PATL1: variants seen among roughly 807,000 people sequenced by gnomAD.
PATL1 encodes PAT1 homolog 1, processing body mRNA decay factor, also known as protein PAT1 homolog 1.
In PATL1, 32 loss-of-function variants were observed where a neutral mutation model predicts 100.6. The ratio of observed to expected loss-of-function variants is 0.32; its 90% CI spans 0.24 to 0.43. PATL1 has a LOEUF of 0.43. PATL1 is among the 20% of genes least tolerant of loss of function. The pLI, the probability that PATL1 is intolerant of heterozygous loss-of-function variation, is 1.00. For synonymous variants in PATL1, 332 were observed against 330.0 expected (o/e 1.01, Z -0.07); for missense variants, 747 against 949.9 (o/e 0.79, Z 2.81).
At chr11:59,659,068 G>T in intron 3 of PATL1, 122 bp from the exon 4 acceptor site, 1 of 1,032,248 alleles carries the variant, frequency 9.7e-7, no homozygotes, top group Non-Finnish European at 1.4e-6. Flanking sequence ...AAATTATAGG[G>T]CTCCAGAATA....
At chr11:59,639,266 T>A in intron 17 of PATL1, 26 bp downstream of exon 17, 1 of 1,566,164 alleles carries the variant, frequency 6.4e-7, no homozygotes, top group South Asian at 1.2e-5. Flanking sequence ...GAACTTAAAA[T>A]AAGAGAAGAA....
intron 14 of PATL1, 145 bp downstream of exon 14, chr11:59,649,317 T>G: frequency 1.3e-6 from 1 of 759,532 alleles, no homozygotes; most frequent in Non-Finnish European, 2.0e-6. Flanking sequence ...TTAAATGAAG[T>G]GGCATTTGAG....
chr11:59,664,550 C>T (rs1861662864), intron 2 of PATL1, among the ~76,000 whole-genome samples: 1 of 152,096 alleles, frequency 6.6e-6, no homozygotes, highest in South Asian at 2.1e-4. Context: ...ATGTTGGTAG[C>T]TTCTATGGTA....
intron 5 of PATL1, among the ~76,000 whole-genome samples, chr11:59,656,841 A>G (rs1861542570): frequency 6.6e-6 from 1 of 152,194 alleles, no homozygotes; most frequent in Non-Finnish European, 1.5e-5. Flanking sequence ...CCACCCTTCC[A>G]TGCTGTCTGA....
intron 15 of PATL1, among the ~76,000 whole-genome samples, chr11:59,644,890 C>CTTTTTT (rs71036539): frequency 7.9e-4 from 66 of 83,802 alleles, no homozygotes; most frequent in South Asian, 1.7e-3. Context: ...ACTTCGTTTC[C>CTTTTTT]TTTTTTTTTT....
chr11:59,648,037 A>G, intron 14 of PATL1, 124 bp from the exon 15 acceptor site: 1 of 695,114 alleles, frequency 1.4e-6, no homozygotes, highest in Non-Finnish European at 2.1e-6. Flanking sequence ...AACCTGTACT[A>G]TAAAACAGTA....
chr11:59,644,890 CTTTTTTTTT>C (rs71036539), intron 15 of PATL1, among the ~76,000 whole-genome samples: 161 of 83,808 alleles, frequency 1.9e-3, no homozygotes, highest in South Asian at 2.5e-3. Flanking sequence ...ACTTCGTTTC[CTTTTTTTTT>C]TTTTTTTTTT....
chr11:59,642,708 C>T (rs2134737791), intron 16 of PATL1, 172 bp downstream of exon 16: 2 of 656,010 alleles, frequency 3.0e-6, no homozygotes, highest in Non-Finnish European at 4.9e-6. Flanking sequence ...ACATAAAATC[C>T]CATTTTGTTG....
Position 59,659,438 on chromosome 11 carries a change from C to A in PATL1, c.159G>T (p.Leu53=). 6.4e-7 allele frequency: 1 copy of A among 1,551,028 alleles called. No homozygotes were observed. Among genetic ancestry groups the A allele is most frequent in the South Asian group, 1.2e-5 (1 of 84,052 alleles). ...CTGGTAGCTTTTCTTCCAATTCAGC[C>A]AGGCGCTCATGTGCTTCCTGCCAAT... The part of the protein sequence containing the change: ...DDDWQEAHER[L]AELEEKLPVA... The change falls in exon 3 of 19, where the codon CTG becomes CTT. Residue 53 remains leucine, a synonymous_variant. Coordinates refer to ENST00000300146, the MANE Select transcript of PATL1 (RefSeq NM_152716.3).
intron 2 of PATL1, among the ~76,000 whole-genome samples, chr11:59,659,885 T>C (rs757717820): frequency 2.6e-5 from 4 of 152,012 alleles, no homozygotes; most frequent in African/African-American, 9.7e-5. Context: ...AGAAGATAGG[T>C]AGAAAGTTAA....
chr11:59,656,446 T>C lies in PATL1; in HGVS notation c.723+53A>G, dbSNP rs186931344. 2.0e-4 allele frequency: 282 copies of C among 1,437,536 alleles called. 2 individuals carry two copies. In the East Asian group the frequency reaches 6.3e-3, roughly 32 times the overall value. 89.0% of individuals were successfully genotyped at this position (1,437,536 alleles called of 1,614,324 possible). On this transcript the variant is annotated intron_variant, in intron 6 of 18. Coordinates refer to ENST00000300146, the MANE Select transcript of PATL1 (RefSeq NM_152716.3). ...TAAATACTGGCAGTGATCTTACAAA[T>C]AGTGATCAGAAAATACATACTGCAC...
intron 18 of PATL1, among the ~76,000 whole-genome samples, 156 bp from the exon 19 acceptor site, chr11:59,638,567 C>T (rs1368473737): frequency 6.6e-6 from 1 of 152,158 alleles, no homozygotes; most frequent in Non-Finnish European, 1.5e-5. Context: ...TATGAAGGCC[C>T]TGTTGTACCC....
Position 59,656,522 on chromosome 11 carries a change from G to C in PATL1, c.700C>G (p.Pro234Ala), listed in dbSNP as rs373602613. Residue 234 changes from proline to alanine, a missense_variant, in exon 6 of 19, where the codon CCA (proline) becomes GCA (alanine). By Grantham distance (27) the Pro-to-Ala change is conservative. This residue lies in a region of PATL1 where 127 missense variants were observed against 116.0 expected (regional missense o/e 1.09). Transcript: ENST00000300146. ...ACCGGGACACTGCAGAGCTGGTTTG[G>C]AGACATCCTCTCACCATAGGGAGCA... ...YPAPYGERMSPNQLCSVPNSS... is the reference protein window; with the variant it reads ...YPAPYGERMSANQLCSVPNSS... The C allele has an allele frequency of 8.7e-6, 14 of 1,613,814 alleles. No homozygotes were observed. In the African/African-American group the frequency reaches 1.5e-4, roughly 17 times the overall value.
chr11:59,659,859 G>A (rs1861604263), intron 2 of PATL1, among the ~76,000 whole-genome samples: 1 of 152,092 alleles, frequency 6.6e-6, no homozygotes. Context: ...CTTCTGCTAA[G>A]CAAATGAATA....
At chr11:59,654,261 G>A (rs1438270130) in intron 8 of PATL1, among the ~76,000 whole-genome samples, 189 bp from the exon 9 acceptor site, 2 of 152,106 alleles carry the variant, frequency 1.3e-5, no homozygotes, top group East Asian at 3.9e-4. Flanking sequence ...TGGAACACTT[G>A]AGGTCAGGAG....
intron 15 of PATL1, among the ~76,000 whole-genome samples, chr11:59,644,353 T>G (rs1436918576): frequency 6.6e-6 from 1 of 152,038 alleles, no homozygotes; most frequent in African/African-American, 2.4e-5. Context: ...GGAAAGAATT[T>G]TAAAATATCA....
intron 13 of PATL1, 46 bp downstream of exon 13, chr11:59,650,708 C>A: frequency 7.4e-7 from 1 of 1,346,424 alleles, no homozygotes; most frequent in Non-Finnish European, 1.0e-6. Flanking sequence ...ATACATTTGA[C>A]AGTTCCGTAT....
At chr11:59,668,855 G>T (rs1033917731) in intron 1 of PATL1, 26 bp downstream of exon 1, 6 of 1,311,632 alleles carry the variant, frequency 4.6e-6, no homozygotes, top group Non-Finnish European at 6.2e-6. Context: ...GGGAGGGAGG[G>T]GTCACTTCCG....
chr11:59,650,753 C>CT lies in PATL1; in HGVS notation c.1584dup (p.Thr529AsnfsTer7). On this transcript the variant is annotated frameshift_variant and splice_region_variant. Coordinates refer to ENST00000300146, the MANE Select transcript of PATL1 (RefSeq NM_152716.3). LOFTEE classifies it high-confidence loss of function. ...ACTACAGCAACAAATTCTAAACTTA[C>CT]TTTCTCAATTATAACAAGGGTTTTT... 6.5e-7 allele frequency: 1 copy of CT among 1,548,282 alleles called. No individual in the cohort carries two copies.
Sources: allele counts gnomAD v4.1 joint callset (sites outside exome capture counted in the v4.1 genomes callset), GRCh38; gene constraint gnomAD v4.1.1; regional missense constraint gnomAD v4.1.1; transcripts MANE v1.5; gene names NCBI Gene and HGNC (gene_info 2026-07-23, HGNC 2026-07-21).